SNX7: variants seen among roughly 807,000 people sequenced by gnomAD.
SNX7 encodes sorting nexin 7.
SNX7 carries 35 observed loss-of-function variants against 48.4 expected under a neutral mutation model. The ratio of observed to expected loss-of-function variants is 0.72; its 90% CI spans 0.55 to 0.96. The LOEUF (loss-of-function observed/expected upper bound fraction) is 0.96, where lower values mean the gene tolerates loss of function less well. Among genes scored for constraint, SNX7 ranks in the 40% least tolerant of loss-of-function variants. The probability of loss-of-function intolerance (pLI) is 0.00; values close to 1 mark genes in which losing one functional copy is unlikely to be tolerated. For synonymous variants in SNX7, 190 were observed against 190.2 expected, an observed-to-expected ratio of 1.00 and a Z score of 0.01; for missense variants, 553 against 548.9, an observed-to-expected ratio of 1.01 and a Z score of -0.07.
intron 7 of SNX7, among the ~76,000 whole-genome samples, chr1:98,704,403 GA>G (rs1651913612): frequency 6.6e-6 from 1 of 152,156 alleles, no homozygotes; most frequent in Admixed American, 6.5e-5. Context: ...TATGGGGACT[GA>G]GTTAATGATT....
Position 98,691,072 on chromosome 1 carries a change from C to T in SNX7, c.364-3C>T. The T allele has an allele frequency of 6.3e-7, 1 of 1,592,470 alleles. No homozygotes were observed. The highest frequency in any genetic ancestry group is 8.6e-7 in the Non-Finnish European group (1 of 1,164,860). On this transcript the variant is annotated splice_polypyrimidine_tract_variant and splice_region_variant and intron_variant, in intron 2 of 8. Transcript: ENST00000306121. The stretch of plus-strand genomic sequence containing the variant: ...TGCTGTTATTTTCTCTTACTTTCTT[C>T]AGACATCTCGTGGGGAATTTGACTC...
chr1:98,734,562 C>A (rs1653679732), intron 7 of SNX7, among the ~76,000 whole-genome samples: 1 of 152,088 alleles, frequency 6.6e-6, no homozygotes. Flanking sequence ...AAATTTGTAA[C>A]ATGCTTATGC....
chr1:98,709,605 C>T (rs903770742), intron 7 of SNX7, among the ~76,000 whole-genome samples: 2 of 152,102 alleles, frequency 1.3e-5, no homozygotes, highest in African/African-American at 4.8e-5. Context: ...TTTTATGAGA[C>T]CTCATGAGAA....
chr1:98,696,612 T>C (rs1651473880), intron 5 of SNX7, among the ~76,000 whole-genome samples: 1 of 152,130 alleles, frequency 6.6e-6, no homozygotes. Flanking sequence ...GCATGTACTT[T>C]GCCCCTTTTC....
At chr1:98,691,354 A>C (rs2100953489) in intron 3 of SNX7, among the ~76,000 whole-genome samples, 169 bp downstream of exon 3, 1 of 152,042 alleles carries the variant, frequency 6.6e-6, no homozygotes, top group South Asian at 2.1e-4. Flanking sequence ...TTTTTAAAAA[A>C]AACTCTTCAT....
chr1:98,747,057 T>A (rs2101047622), intron 8 of SNX7, among the ~76,000 whole-genome samples: 1 of 152,246 alleles, frequency 6.6e-6, no homozygotes, highest in South Asian at 2.1e-4. Context: ...ATGAGAGTCA[T>A]ATTAAGGTCC....
In SNX7 at chr1:98,714,016, T is replaced by A. The variant is rs564325190; in HGVS notation, c.1125+12113T>A. ...CTCAGTGCAGGGTTGTCACAAAGCT[T>A]CAATTTGTTAGAAAAAAAATGGAAT... On this transcript the variant is annotated intron_variant, in intron 7 of 8. Coordinates refer to ENST00000306121, the MANE Select transcript of SNX7 (RefSeq NM_015976.5). Among the ~76,000 whole-genome samples, 31 of 152,290 alleles carry A rather than the reference T, an allele frequency of 2.0e-4. No individual in the cohort carries two copies. In the South Asian group the frequency reaches 5.6e-3, roughly 28 times the overall value.
At chr1:98,722,754 G>T (rs575572320) in intron 7 of SNX7, among the ~76,000 whole-genome samples, 1 of 151,958 alleles carries the variant, frequency 6.6e-6, no homozygotes, top group Non-Finnish European at 1.5e-5. Context: ...GCTCAAAAAT[G>T]TTGGTGATAT....
intron 1 of SNX7, among the ~76,000 whole-genome samples, chr1:98,682,299 T>A (rs2100934976): frequency 6.6e-6 from 1 of 152,266 alleles, no homozygotes; most frequent in Non-Finnish European, 1.5e-5. Flanking sequence ...ATATGGGCTG[T>A]TCTCTAGGTT....
chr1:98,719,725 TAG>T (rs1652766086), intron 7 of SNX7, among the ~76,000 whole-genome samples: 1 of 151,498 alleles, frequency 6.6e-6, no homozygotes, highest in African/African-American at 2.4e-5. Context: ...AAGGATGAGT[TAG>T]AGAGTGTTCT....
At chr1:98,661,704 G>A, upstream of SNX7, 1 of 1,206,136 alleles carries the variant, frequency 8.3e-7, no homozygotes, top group Non-Finnish European at 1.0e-6. Flanking sequence ...CGGCGGCGGT[G>A]GCGGCCGGCT....
At chr1:98,689,647 T>G (rs1189012339) in intron 2 of SNX7, among the ~76,000 whole-genome samples, 1 of 152,200 alleles carries the variant, frequency 6.6e-6, no homozygotes, top group East Asian at 1.9e-4. Context: ...GCAATTTATA[T>G]TCTTAGAAAT....
chr1:98,748,637 AACACACACACACACAC>A (rs58973289), intron 8 of SNX7, among the ~76,000 whole-genome samples: 11 of 145,792 alleles, frequency 7.5e-5, no homozygotes, highest in Non-Finnish European at 1.7e-4. Context: ...AAATGATTTA[AACACACACACACACAC>A]ACACACACAC....
At chr1:98,733,108 C>G (rs1477320991) in intron 7 of SNX7, among the ~76,000 whole-genome samples, 1 of 152,148 alleles carries the variant, frequency 6.6e-6, no homozygotes, top group Non-Finnish European at 1.5e-5. Context: ...ATTCTTTGCT[C>G]TGTATGCAAC....
intron 4 of SNX7, among the ~76,000 whole-genome samples, chr1:98,692,528 A>G (rs1651196650): frequency 6.6e-6 from 1 of 152,124 alleles, no homozygotes; most frequent in African/African-American, 2.4e-5. Context: ...TTTCAGGTTT[A>G]TAGTATTGCA....
At chr1:98,726,030 A>G (rs1186202458) in intron 7 of SNX7, among the ~76,000 whole-genome samples, 1 of 152,186 alleles carries the variant, frequency 6.6e-6, no homozygotes. Flanking sequence ...TCCTTAACAC[A>G]GGATAAGTGA....
rs1226057363 is a variant in SNX7, at chr1:98,669,940, A to C, written c.180+8029A>C. On this transcript the variant is annotated intron_variant, in intron 1 of 8. Coordinates refer to ENST00000306121, the MANE Select transcript of SNX7 (RefSeq NM_015976.5). ...TGTTTTCAATAGATTAAGCTCTCAA[A>C]GGTAGGAGAGTAGGAACTCTATTTA... is the stretch of plus-strand genomic sequence containing the variant. 2.0e-5 allele frequency among the ~76,000 whole-genome samples: 3 copies of C among 152,336 alleles called. No individual in the cohort carries two copies. In the East Asian group the frequency reaches 5.8e-4, roughly 29 times the overall value.
In SNX7 at chr1:98,741,484, A is replaced by G. The variant is rs182916994; in HGVS notation, c.1278+3095A>G. Among the ~76,000 whole-genome samples the G allele has an allele frequency of 1.5e-3, 231 of 152,280 alleles. 1 individual carries two copies. The highest frequency in any genetic ancestry group is 5.3e-3 in the African/African-American group (220 of 41,574). On this transcript the variant is annotated intron_variant, in intron 8 of 8. Coordinates refer to ENST00000306121, the MANE Select transcript of SNX7 (RefSeq NM_015976.5). The stretch of plus-strand genomic sequence containing the variant: ...GGGAGAGAGTTGATTCTAAATCCAG[A>G]ACAGGTGTCTCAAATGAAACTTTTA...
intron 8 of SNX7, among the ~76,000 whole-genome samples, chr1:98,747,799 T>C (rs374434519): frequency 1.3e-5 from 2 of 152,126 alleles, no homozygotes; most frequent in Non-Finnish European, 2.9e-5. Context: ...TAGAATCAAC[T>C]AGTTGTCATT....
Sources: allele counts gnomAD v4.1 joint callset (sites outside exome capture counted in the v4.1 genomes callset), GRCh38; gene constraint gnomAD v4.1.1; transcripts MANE v1.5; gene names NCBI Gene and HGNC (gene_info 2026-07-23, HGNC 2026-07-21).